CRISP2: variants seen among roughly 807,000 people sequenced by gnomAD.
CRISP2 encodes the protein cysteine rich secretory protein 2.
CRISP2 carries 29 observed loss-of-function variants against 31.7 expected under a neutral mutation model. The ratio of observed to expected loss-of-function variants is 0.92; its 90% confidence interval spans 0.68 to 1.25. CRISP2 has a LOEUF of 1.25. Ranked by LOEUF, CRISP2 falls within the 50% of genes most tolerant of loss-of-function variation. The pLI is 0.00. For missense variants in CRISP2, 318 were observed against 286.5 expected, an observed-to-expected ratio of 1.11 and a Z score of -0.79; for synonymous variants, 111 against 101.4, an observed-to-expected ratio of 1.09 and a Z score of -0.57.
chr6:49,704,037 C>A (rs1766566685), intron 4 of CRISP2, among the ~76,000 whole-genome samples: 1 of 152,022 alleles, frequency 6.6e-6, no homozygotes, highest in African/African-American at 2.4e-5. Context: ...TTCTTGGAGG[C>A]TTTGTTCATT....
intron 6 of CRISP2, among the ~76,000 whole-genome samples, chr6:49,699,465 A>G (rs954837855): frequency 6.6e-6 from 1 of 152,060 alleles, no homozygotes; most frequent in African/African-American, 2.4e-5. Flanking sequence ...AAAAATTTCT[A>G]GTATGACACT....
intron 3 of CRISP2, among the ~76,000 whole-genome samples, chr6:49,709,597 T>C (rs73439869): frequency 0.035 from 5,294 of 152,294 alleles, 329 homozygotes; most frequent in African/African-American, 0.12. Context: ...TTTCAATATG[T>C]ACCATCTCTC....
chr6:49,680,925 T>C, the CRISP2 span, among the ~76,000 whole-genome samples: 1 of 152,230 alleles, frequency 6.6e-6, no homozygotes, highest in Non-Finnish European at 1.5e-5. Flanking sequence ...TTGCAAAAAT[T>C]GTCACCCATT....
At chr6:49,700,533 A>T in intron 5 of CRISP2, 135 bp downstream of exon 5, 1 of 680,590 alleles carries the variant, frequency 1.5e-6, no homozygotes. Flanking sequence ...TCCTCTCCAT[A>T]TAATGGTTCA....
chr6:49,704,779 C>A (rs1315240769), intron 4 of CRISP2, among the ~76,000 whole-genome samples: 1 of 152,122 alleles, frequency 6.6e-6, no homozygotes, highest in African/African-American at 2.4e-5. Context: ...CTGTGAGAGT[C>A]CTTGGCTGTA....
Position 49,692,564 on chromosome 6 carries a change from T to A in CRISP2, c.*209A>T, listed in dbSNP as rs1016179701. 6.6e-6 allele frequency: 3 copies of A among 453,254 alleles called. No individual in the cohort carries two copies. Among genetic ancestry groups the A allele is most frequent in the African/African-American group, 2.0e-5 (1 of 50,586 alleles). The allele number at this position is 453,254 out of a possible 1,614,324, so 28.1% of individuals were successfully genotyped here. ...TTCAGTTCGTTATAAAGCACTAAAT[T>A]TATGTCAGAGTTCACAGTTGTCATC... On this transcript the variant is annotated 3_prime_UTR_variant, in exon 10 of 10. Coordinates refer to ENST00000339139, the MANE Select transcript of CRISP2 (RefSeq NM_003296.4).
chr6:49,690,976 C>T (rs978274274), downstream of CRISP2, among the ~76,000 whole-genome samples: 5 of 151,234 alleles, frequency 3.3e-5, no homozygotes, highest in African/African-American at 1.2e-4. Context: ...TAACCAGTCA[C>T]TAGAGTTAGA....
At position 49,700,559 on chromosome 6, in the gene CRISP2, C is replaced by T. The variant is rs560249457; in HGVS notation, c.183+109G>A. The T allele has an allele frequency of 1.2e-4, 85 of 719,140 alleles. No homozygotes were observed. The African/African-American group carries it at 1.5e-3, about 12-fold the overall frequency. 44.5% of individuals were successfully genotyped at this position (719,140 alleles called of 1,614,324 possible). A position where few individuals can be genotyped will look rare whatever the true frequency, so the allele number is the denominator to read the frequency against. The stretch of plus-strand genomic sequence containing the variant: ...TAATGGTTCAAATAAAATAACAAAA[C>T]AGAGACACAACTTTGTAAACCACAA... On this transcript the variant is annotated intron_variant, in intron 5 of 9. Transcript: ENST00000339139.
the CRISP2 span, among the ~76,000 whole-genome samples, chr6:49,678,518 C>T: frequency 6.6e-6 from 1 of 152,150 alleles, no homozygotes; most frequent in Non-Finnish European, 1.5e-5. Context: ...ATAACCAGTG[C>T]AACTTGCTGT....
At chr6:49,708,993 T>C in intron 4 of CRISP2, 138 bp downstream of exon 4, 1 of 699,934 alleles carries the variant, frequency 1.4e-6, no homozygotes, top group Non-Finnish European at 2.5e-6. Flanking sequence ...TCAATAATTG[T>C]GTTAAGTGCT....
chr6:49,695,395 GACAA>G (rs1327431081), intron 9 of CRISP2, among the ~76,000 whole-genome samples: 19 of 152,268 alleles, frequency 1.2e-4, no homozygotes, highest in African/African-American at 4.3e-4. Context: ...AAATCAGCAT[GACAA>G]ACACATTAGC....
At chr6:49,682,054 C>T in the CRISP2 span, among the ~76,000 whole-genome samples, 124 of 152,176 alleles carry the variant, frequency 8.1e-4, no homozygotes, top group Non-Finnish European at 1.6e-3. Context: ...GATCCATCTC[C>T]GTGAAATAAA....
intron 4 of CRISP2, among the ~76,000 whole-genome samples, chr6:49,708,163 G>T (rs925216766): frequency 6.6e-6 from 1 of 151,844 alleles, no homozygotes; most frequent in African/African-American, 2.4e-5. Context: ...ATAAAATTAA[G>T]GAAATCAGAA....
chr6:49,678,309 T>C, the CRISP2 span, among the ~76,000 whole-genome samples: 145,239 of 152,200 alleles, frequency 0.95, 69,346 homozygotes, highest in East Asian at 1. Flanking sequence ...GCATGCACAG[T>C]TCACATGAGC....
chr6:49,679,182 T>G, the CRISP2 span, among the ~76,000 whole-genome samples: 1 of 152,144 alleles, frequency 6.6e-6, no homozygotes, highest in African/African-American at 2.4e-5. Flanking sequence ...TTTTTGCACT[T>G]AAAAAAGCTC....
chr6:49,712,093 G>A lies in CRISP2; in HGVS notation c.-47+408C>T, dbSNP rs1349848357. On this transcript the variant is annotated intron_variant, in intron 2 of 9. Coordinates refer to ENST00000339139, the MANE Select transcript of CRISP2 (RefSeq NM_003296.4). ...AAATACAATCAGTATAATCTAATTC[G>A]AGATTCACATGTTCAAGGCCTGGTT... is the stretch of plus-strand genomic sequence containing the variant. Among the ~76,000 whole-genome samples, 4 of 152,092 alleles carry A rather than the reference G, an allele frequency of 2.6e-5. 1 individual carries two copies. The highest frequency in any genetic ancestry group is 4.2e-4 in the South Asian group (2 of 4,818).
chr6:49,687,435 C>T (rs1396614476), downstream of CRISP2, among the ~76,000 whole-genome samples: 1 of 152,160 alleles, frequency 6.6e-6, no homozygotes, highest in Non-Finnish European at 1.5e-5. Context: ...GTAATATTAT[C>T]TAACTCTTCC....
intron 4 of CRISP2, among the ~76,000 whole-genome samples, chr6:49,705,412 T>G (rs73437884): frequency 0.033 from 5,070 of 152,214 alleles, 301 homozygotes; most frequent in African/African-American, 0.12. Flanking sequence ...GTTGTGCAAG[T>G]CTGAGATCTT....
rs967125342 is a variant in CRISP2 at position 49,695,433 on chromosome 6, G to A, written c.604+403C>T. 1.1e-4 allele frequency among the ~76,000 whole-genome samples: 16 copies of A among 152,150 alleles called. No homozygotes were observed. In the East Asian group the frequency reaches 1.3e-3, roughly 13 times the overall value. ...GCACAAATAAACAGTAATATTTGGCGTGCCTGTCTAGACTGAGCCATAATG... is the reference window on the plus strand; with the variant it reads ...GCACAAATAAACAGTAATATTTGGCATGCCTGTCTAGACTGAGCCATAATG... On this transcript the variant is annotated intron_variant, in intron 9 of 9. Coordinates refer to ENST00000339139, the MANE Select transcript of CRISP2 (RefSeq NM_003296.4).
Sources: gnomAD v4.1 joint callset for allele counts (sites outside exome capture counted in the v4.1 genomes callset) on GRCh38, gnomAD v4.1.1 for gene constraint, MANE v1.5 for transcripts, NCBI Gene and HGNC (gene_info 2026-07-23, HGNC 2026-07-21) for gene names.